HEATR4: variants seen among roughly 807,000 people sequenced by gnomAD.
HEATR4 encodes HEAT repeat-containing protein 4.
Under a neutral mutation model 108.8 loss-of-function variants are expected in HEATR4, and 95 were observed. The observed-to-expected ratio is 0.87, with a 90% confidence interval of 0.74 to 1.04. HEATR4 has a LOEUF of 1.04. HEATR4 is among the 50% of genes least tolerant of loss of function. HEATR4 has a pLI of 0.00. For synonymous variants in HEATR4, 443 were observed against 459.4 expected, an observed-to-expected ratio of 0.96 and a Z score of 0.46; for missense variants, 1,152 against 1,253.8, an observed-to-expected ratio of 0.92 and a Z score of 1.23.
chr14:73,491,285 G>C, intron 17 of HEATR4: 1 of 1,555,462 alleles, frequency 6.4e-7, no homozygotes, highest in Non-Finnish European at 8.7e-7. Context: ...GGCCGTCCCG[G>C]ACGCAGCCCG....
At chr14:73,617,263 C>T in the HEATR4 span, 2 of 1,588,862 alleles carry the variant, frequency 1.3e-6, no homozygotes, top group African/African-American at 2.7e-5. Flanking sequence ...TCCAAAAGCC[C>T]TGCCAGAACA....
chr14:73,599,172 C>T, the HEATR4 span, among the ~76,000 whole-genome samples: 2 of 151,966 alleles, frequency 1.3e-5, no homozygotes, highest in African/African-American at 2.4e-5. Context: ...GTGAAAAACA[C>T]CTCCAGATCA....
intron 5 of HEATR4, among the ~76,000 whole-genome samples, chr14:73,516,182 T>G: frequency 2.2e-5 from 1 of 45,204 alleles, no homozygotes; most frequent in Non-Finnish European, 3.3e-5. Flanking sequence ...AAGAGTCCTG[T>G]GAGACTCCAG....
chr14:73,518,120 C>CTGT (rs1423848207), intron 5 of HEATR4, among the ~76,000 whole-genome samples: 1 of 151,616 alleles, frequency 6.6e-6, no homozygotes, highest in Non-Finnish European at 1.5e-5. Context: ...AATCCTGTGG[C>CTGT]TGTCCACAGC....
the HEATR4 span, among the ~76,000 whole-genome samples, chr14:73,568,529 T>C: frequency 2.0e-5 from 3 of 151,812 alleles, no homozygotes; most frequent in Admixed American, 2.0e-4. Flanking sequence ...ACTGCCGCTG[T>C]ACTCCAGTCT....
At chr14:73,491,312 C>T (rs1203593679) in intron 17 of HEATR4, 2 of 1,517,442 alleles carry the variant, frequency 1.3e-6, no homozygotes, top group Non-Finnish European at 1.8e-6. Context: ...GCCATACGGC[C>T]ACCTGGGGCC....
At chr14:73,486,439 C>G (rs767041785) in intron 17 of HEATR4, among the ~76,000 whole-genome samples, 3 of 151,896 alleles carry the variant, frequency 2.0e-5, no homozygotes, top group Non-Finnish European at 2.9e-5. Flanking sequence ...GGCTCACGCC[C>G]GTAATTCCAG....
intron 17 of HEATR4, 120 bp from the exon 18 acceptor site, chr14:73,478,962 G>A (rs1595070771): frequency 4.4e-6 from 3 of 683,802 alleles, no homozygotes; most frequent in East Asian, 2.6e-5. Flanking sequence ...TTTTTGAGAC[G>A]GAGTCCCACT....
the HEATR4 span, chr14:73,569,880 C>T: frequency 2.5e-6 from 4 of 1,603,500 alleles, no homozygotes; most frequent in Middle Eastern, 1.7e-4. Flanking sequence ...CTTCCTGCCG[C>T]CAGGTGACTC....
intron 14 of HEATR4, 47 bp downstream of exon 14, chr14:73,498,108 A>G (rs1886208896): frequency 6.6e-7 from 1 of 1,523,422 alleles, no homozygotes; most frequent in African/African-American, 1.4e-5. Flanking sequence ...AAGATGTGAG[A>G]GTTGGCAGTA....
At chr14:73,560,873 G>A (rs1211426429), upstream of HEATR4, among the ~76,000 whole-genome samples, 1 of 151,730 alleles carries the variant, frequency 6.6e-6, no homozygotes, top group African/African-American at 2.4e-5. Flanking sequence ...GAATTACTAT[G>A]TGATCCAGCA....
At chr14:73,493,676 G>T (rs1189092737) in intron 16 of HEATR4, among the ~76,000 whole-genome samples, 1 of 151,912 alleles carries the variant, frequency 6.6e-6, no homozygotes, top group African/African-American at 2.4e-5. Flanking sequence ...CATCTCTAGT[G>T]AGAATACAAA....
intron 7 of HEATR4, among the ~76,000 whole-genome samples, chr14:73,510,788 G>A (rs1336586514): frequency 6.6e-6 from 1 of 152,148 alleles, no homozygotes; most frequent in Non-Finnish European, 1.5e-5. Context: ...CTTGGGGACA[G>A]CACAGGAGCA....
chr14:73,619,401 C>T, the HEATR4 span: 14 of 1,613,908 alleles, frequency 8.7e-6, no homozygotes, highest in African/African-American at 1.3e-5. Flanking sequence ...CTAAACTTGT[C>T]GATGATCTAG....
rs775335759 is a variant in HEATR4, at chr14:73,520,883, T to C, written c.1038A>G (p.Thr346=). Residue 346 remains threonine, a synonymous_variant, in exon 4 of 18, where the codon ACA becomes ACG. Coordinates refer to ENST00000553558, the MANE Select transcript of HEATR4 (RefSeq NM_001220484.1). ...TPRAGKFAYS[T]DNTFEQEIYF... is the part of the protein sequence containing the mutation. Reference sequence around the variant, plus strand: ...AAATCTCCTGTTCAAAGGTGTTGTCTGTGGAGTAGGCAAACTTTCCAGCTC... The same window carrying C: ...AAATCTCCTGTTCAAAGGTGTTGTCCGTGGAGTAGGCAAACTTTCCAGCTC... The C allele has an allele frequency of 1.2e-6, 2 of 1,614,110 alleles. No homozygotes were observed. Among genetic ancestry groups the C allele is most frequent in the African/African-American group, 2.7e-5 (2 of 75,030 alleles).
the HEATR4 span, among the ~76,000 whole-genome samples, chr14:73,608,058 G>A: frequency 6.6e-6 from 1 of 152,008 alleles, no homozygotes; most frequent in African/African-American, 2.4e-5. Flanking sequence ...CCGAGTAGCT[G>A]GGATTACAGG....
At chr14:73,521,996 T>G (rs908043306) in intron 3 of HEATR4, among the ~76,000 whole-genome samples, 7 of 152,226 alleles carry the variant, frequency 4.6e-5, no homozygotes, top group African/African-American at 1.7e-4. Context: ...TTTTCACAGC[T>G]AGGAGTTTGT....
At chr14:73,576,169 A>AAATTAATT in the HEATR4 span, among the ~76,000 whole-genome samples, 2 of 151,878 alleles carry the variant, frequency 1.3e-5, no homozygotes, top group Non-Finnish European at 2.9e-5. Flanking sequence ...TCTGCCTCAA[A>AAATTAATT]AATTAATTAA....
intron 10 of HEATR4, 145 bp from the exon 11 acceptor site, chr14:73,503,158 C>T (rs964487804): frequency 2.0e-5 from 13 of 659,816 alleles, no homozygotes; most frequent in Non-Finnish European, 3.5e-5. Flanking sequence ...CTTACTCTCC[C>T]AAAGAATCCA....
Sources: allele counts gnomAD v4.1 joint callset (sites outside exome capture counted in the v4.1 genomes callset), GRCh38; gene constraint gnomAD v4.1.1; transcripts MANE v1.5; gene names NCBI Gene and HGNC (gene_info 2026-07-23, HGNC 2026-07-21).